The following TOM1L2 variants were observed in gnomAD, a reference collection of about 807,000 sequenced individuals.
TOM1L2 encodes the protein TOM1-like protein 2.
In TOM1L2, 31 loss-of-function variants were observed where a neutral mutation model predicts 67.9. The ratio of observed to expected loss-of-function variants is 0.46; its 90% CI spans 0.34 to 0.62. The LOEUF (loss-of-function observed/expected upper bound fraction) is 0.62, where lower values mean the gene tolerates loss of function less well. Ranked by LOEUF, TOM1L2 falls within the 20% of genes least tolerant of loss-of-function variation. TOM1L2 has a pLI of 0.01. For missense variants in TOM1L2, 606 were observed against 663.5 expected, an observed-to-expected ratio of 0.91 and a Z score of 0.95; for synonymous variants, 256 against 254.0, an observed-to-expected ratio of 1.01 and a Z score of -0.07.
At chr17:17,865,985 A>G (rs1271284698) in intron 10 of TOM1L2, among the ~76,000 whole-genome samples, 3 of 151,746 alleles carry the variant, frequency 2.0e-5, no homozygotes, top group African/African-American at 4.8e-5. Flanking sequence ...CAGGTGATCC[A>G]CCCACCTCGG....
intron 1 of TOM1L2, 51 bp downstream of exon 1, chr17:17,972,211 C>T (rs1318789026): frequency 6.5e-7 from 1 of 1,547,332 alleles, no homozygotes; most frequent in Non-Finnish European, 8.7e-7. Context: ...TCCTCACCAG[C>T]CGGATCAGCG....
In TOM1L2 at chr17:17,857,841, C is replaced by T. The variant is rs761036412; in HGVS notation, c.1278+3635G>A. On this transcript the variant is annotated intron_variant, in intron 12 of 14. Coordinates refer to ENST00000379504, the MANE Select transcript of TOM1L2 (RefSeq NM_001082968.2). The stretch of plus-strand genomic sequence containing the variant: ...CCCCACCTCTACCTCTCTTCTGGGC[C>T]GAGGACAGAAAAGTCTCAGAAAGAA... The T allele has an allele frequency of 2.3e-5, 36 of 1,535,512 alleles. No homozygotes were observed. In the South Asian group the frequency reaches 2.9e-4, roughly 12 times the overall value.
Position 17,851,253 on chromosome 17 carries a change from C to T in TOM1L2, c.1279-301G>A, listed in dbSNP as rs2035961356. 4 of 423,604 alleles carry T rather than the reference C, an allele frequency of 9.4e-6. 1 individual carries two copies. Among genetic ancestry groups the T allele is most frequent in the South Asian group, 8.8e-5 (4 of 45,376 alleles). 26.2% of individuals were successfully genotyped at this position (423,604 alleles called of 1,614,324 possible). ...AACTTTTTGACTATGAGTGTCCACT[C>T]TCACATTGCGGGGCCTCTCAGCCCG... On this transcript the variant is annotated intron_variant, in intron 12 of 14. Coordinates refer to ENST00000379504, the MANE Select transcript of TOM1L2 (RefSeq NM_001082968.2).
Position 17,972,342 on chromosome 17 carries a change from GC to G in TOM1L2, c.-30del. Reference sequence around the variant, plus strand: ...GGGTGGACAACACGCAGCGGCCCGGGCCCCCTGTCTGCCACCTAGGCCTCCG... The same window carrying G: ...GGGTGGACAACACGCAGCGGCCCGGGCCCCTGTCTGCCACCTAGGCCTCCG... On this transcript the variant is annotated 5_prime_UTR_variant, in exon 1 of 15. Coordinates refer to ENST00000379504, the MANE Select transcript of TOM1L2 (RefSeq NM_001082968.2). 3 of 1,549,050 alleles carry G rather than the reference GC, an allele frequency of 1.9e-6. No homozygotes were observed. The highest frequency in any genetic ancestry group is 2.6e-6 in the Non-Finnish European group (3 of 1,146,928).
intron 1 of TOM1L2, among the ~76,000 whole-genome samples, chr17:17,947,211 G>T (rs75053299): frequency 6.6e-6 from 1 of 151,090 alleles, no homozygotes; most frequent in African/African-American, 2.4e-5. Flanking sequence ...TTATACGGTG[G>T]GGGGGTCTCA....
rs953793230 is a variant in TOM1L2, at chr17:17,925,326, A to T, written c.53-17795T>A. On this transcript the variant is annotated intron_variant, in intron 1 of 14. Transcript: ENST00000379504. ...AAAAAAAGACACAAAATTGATTTTT[A>T]AAAAAACATGCATATGGATAATGCC... is the stretch of plus-strand genomic sequence containing the variant. 5.3e-5 allele frequency among the ~76,000 whole-genome samples: 8 copies of T among 152,214 alleles called. No individual in the cohort carries two copies. The South Asian group carries it at 6.2e-4, about 12-fold the overall frequency.
At chr17:17,853,813 G>T (rs773534509) in intron 12 of TOM1L2, among the ~76,000 whole-genome samples, 3 of 152,204 alleles carry the variant, frequency 2.0e-5, no homozygotes, top group Non-Finnish European at 2.9e-5. Flanking sequence ...TTAGAGATTT[G>T]GGTGGAGAGG....
intron 4 of TOM1L2, among the ~76,000 whole-genome samples, chr17:17,885,230 T>C (rs2144100948): frequency 6.6e-6 from 1 of 152,318 alleles, no homozygotes; most frequent in East Asian, 1.9e-4. Context: ...CGGCAACAAA[T>C]TGAGCAGAAA....
intron 12 of TOM1L2, among the ~76,000 whole-genome samples, chr17:17,851,975 G>T (rs2036004707): frequency 6.6e-6 from 1 of 152,182 alleles, no homozygotes; most frequent in African/African-American, 2.4e-5. Flanking sequence ...AAGCTCCCTA[G>T]AAGCCATGTT....
At chr17:17,929,492 G>A (rs1379477268) in intron 1 of TOM1L2, among the ~76,000 whole-genome samples, 1 of 152,084 alleles carries the variant, frequency 6.6e-6, no homozygotes, top group Admixed American at 6.5e-5. Flanking sequence ...TTAGCCAGGC[G>A]TGGTGGAATG....
intron 6 of TOM1L2, among the ~76,000 whole-genome samples, chr17:17,881,307 T>G (rs557161741): frequency 2.0e-5 from 3 of 152,292 alleles, no homozygotes; most frequent in Non-Finnish European, 4.4e-5. Context: ...CTGGGTCCTC[T>G]TGGCCAGGCT....
At chr17:17,946,952 T>G (rs1366780788) in intron 1 of TOM1L2, among the ~76,000 whole-genome samples, 1 of 152,238 alleles carries the variant, frequency 6.6e-6, no homozygotes, top group Non-Finnish European at 1.5e-5. Flanking sequence ...CTCGAGCTCC[T>G]GACCTCAAGT....
At chr17:17,928,228 A>G (rs2040177688) in intron 1 of TOM1L2, among the ~76,000 whole-genome samples, 1 of 152,230 alleles carries the variant, frequency 6.6e-6, no homozygotes, top group South Asian at 2.1e-4. Context: ...CCCTAAGGAA[A>G]TAAATAAGGG....
chr17:17,870,401 G>A (rs1314852341), intron 7 of TOM1L2, among the ~76,000 whole-genome samples: 2 of 152,082 alleles, frequency 1.3e-5, no homozygotes, highest in Admixed American at 1.3e-4. Context: ...TTGCCATCTC[G>A]ATGCCAGACT....
At chr17:17,884,587 C>T in intron 5 of TOM1L2, 47 bp downstream of exon 5, 3 of 1,610,744 alleles carry the variant, frequency 1.9e-6, no homozygotes, top group Non-Finnish European at 2.5e-6. Flanking sequence ...GCTTGGCTCA[C>T]CCGTTCTGCA....
At chr17:17,904,708 C>A (rs972713281) in intron 2 of TOM1L2, among the ~76,000 whole-genome samples, 1 of 152,196 alleles carries the variant, frequency 6.6e-6, no homozygotes, top group African/African-American at 2.4e-5. Context: ...ACCTTGACTA[C>A]CTTTCCAGCC....
At chr17:17,955,256 G>T (rs534993636) in intron 1 of TOM1L2, among the ~76,000 whole-genome samples, 1 of 151,598 alleles carries the variant, frequency 6.6e-6, no homozygotes, top group Admixed American at 6.6e-5. Context: ...GGTGGTCACC[G>T]GCAGAGGGCC....
intron 12 of TOM1L2, among the ~76,000 whole-genome samples, chr17:17,855,216 A>G (rs1377720704): frequency 6.6e-6 from 1 of 152,064 alleles, no homozygotes; most frequent in Non-Finnish European, 1.5e-5. Context: ...ATCAGGAGGG[A>G]GGGTTGCCTG....
intron 5 of TOM1L2, 74 bp from the exon 6 acceptor site, chr17:17,882,937 C>T (rs1343577605): frequency 1.3e-6 from 2 of 1,567,356 alleles, no homozygotes; most frequent in African/African-American, 2.7e-5. Context: ...TACCCCACCC[C>T]ATGCAGCACT....
Sources: gnomAD v4.1 joint callset for allele counts (sites outside exome capture counted in the v4.1 genomes callset) on GRCh38, gnomAD v4.1.1 for gene constraint, MANE v1.5 for transcripts, NCBI Gene and HGNC (gene_info 2026-07-23, HGNC 2026-07-21) for gene names.